RIN3: variants seen among roughly 807,000 people sequenced by gnomAD.
RIN3 encodes RAB5 interacting protein 3.
A neutral mutation model predicts 76.3 loss-of-function variants in RIN3; 54 were observed. The ratio of observed to expected loss-of-function variants is 0.71; its 90% CI spans 0.57 to 0.89. The LOEUF is 0.89. Ranked by LOEUF, RIN3 falls within the 40% of genes least tolerant of loss-of-function variation. The pLI, the probability that RIN3 is intolerant of heterozygous loss-of-function variation, is 0.00. For synonymous variants in RIN3, 576 were observed against 564.0 expected (o/e 1.02, Z -0.30); for missense variants, 1,256 against 1,322.1 (o/e 0.95, Z 0.78).
At chr14:92,584,531 T>C (rs890798301) in intron 3 of RIN3, among the ~76,000 whole-genome samples, 4 of 152,132 alleles carry the variant, frequency 2.6e-5, no homozygotes, top group Non-Finnish European at 5.9e-5. Context: ...TCCCCAGTCC[T>C]CCTCTCTGCT....
intron 7 of RIN3, among the ~76,000 whole-genome samples, chr14:92,666,815 G>A (rs947515563): frequency 3.9e-5 from 6 of 152,086 alleles, no homozygotes; most frequent in Admixed American, 6.5e-5. Flanking sequence ...TGTGAATGCC[G>A]AGCAGGAGGC....
intron 7 of RIN3, among the ~76,000 whole-genome samples, chr14:92,659,703 C>T (rs1887809928): frequency 6.6e-6 from 1 of 152,226 alleles, no homozygotes; most frequent in African/African-American, 2.4e-5. Context: ...GCAAGGAAGC[C>T]AGCCCACACC....
Position 92,579,555 on chromosome 14 carries a change from C to G in RIN3, c.367+2078C>G, listed in dbSNP as rs141448879. ...GATCCAAACAGCCTGTTAGAAGAAT[C>G]TATAGAATATTCCAAGCACTGGTTT... On this transcript the variant is annotated intron_variant, in intron 3 of 9. Coordinates refer to ENST00000216487, the MANE Select transcript of RIN3 (RefSeq NM_024832.5). Among the ~76,000 whole-genome samples the G allele has an allele frequency of 1.3e-3, 197 of 152,360 alleles. 1 individual carries two copies. Among genetic ancestry groups the G allele is most frequent in the African/African-American group, 4.6e-3 (191 of 41,580 alleles).
chr14:92,568,148 G>A lies in RIN3; in HGVS notation c.250-9212G>A, dbSNP rs907821418. ...AGCTGGCTGCAGGGGGGCAGAAAGG[G>A]AGAAGTAAGGTGGGCTTTGAGACTT... On this transcript the variant is annotated intron_variant, in intron 2 of 9. Transcript: ENST00000216487. This position sits in a 1 kb window ranked among gnomAD's most constrained non-coding sequence, Gnocchi z 4.2. Among the ~76,000 whole-genome samples, 18 of 152,144 alleles carry A rather than the reference G, an allele frequency of 1.2e-4. No homozygotes were observed. Among genetic ancestry groups the A allele is most frequent in the African/African-American group, 3.9e-4 (16 of 41,422 alleles).
At chr14:92,553,739 C>T (rs1181016024) in intron 1 of RIN3, among the ~76,000 whole-genome samples, 3 of 152,136 alleles carry the variant, frequency 2.0e-5, no homozygotes, top group Non-Finnish European at 4.4e-5. Flanking sequence ...TCCCCGGGTA[C>T]AGACTTCACA....
Position 92,513,912 on chromosome 14 carries a change from C to A in RIN3, c.-21C>A, listed in dbSNP as rs368389701. ...CCGGCGCCTGAGCGCCTCCGTTCCC[C>A]GTCCCGGAGCTGCCGGCGGCATGAT... is the stretch of plus-strand genomic sequence containing the variant. On this transcript the variant is annotated 5_prime_UTR_variant, in exon 1 of 10. Coordinates refer to ENST00000216487, the MANE Select transcript of RIN3 (RefSeq NM_024832.5). 3.6e-3 allele frequency: 4,563 copies of A among 1,252,064 alleles called. 42 individuals are homozygous for A. Among genetic ancestry groups the A allele is most frequent in the South Asian group, 0.022 (705 of 32,588 alleles). 77.6% of individuals were successfully genotyped at this position (1,252,064 alleles called of 1,614,324 possible). A position where few individuals can be genotyped will look rare whatever the true frequency, so the allele number is the denominator to read the frequency against.
chr14:92,687,889 GC>G, intron 9 of RIN3, 36 bp from the exon 10 acceptor site: 1 of 1,497,094 alleles, frequency 6.7e-7, no homozygotes, highest in African/African-American at 1.4e-5. Flanking sequence ...AGGAGACAGG[GC>G]CCCGCCGTGA....
intron 7 of RIN3, among the ~76,000 whole-genome samples, chr14:92,671,364 G>A (rs1277392556): frequency 6.6e-6 from 1 of 151,726 alleles, no homozygotes; most frequent in Admixed American, 6.6e-5. Flanking sequence ...AGAGGGGAGA[G>A]TGCACTCAGA....
intron 2 of RIN3, among the ~76,000 whole-genome samples, chr14:92,557,305 A>T (rs12897368): frequency 0.084 from 12,736 of 152,212 alleles, 929 homozygotes; most frequent in East Asian, 0.41. Context: ...CCCCCAGGGG[A>T]CACAGTGAGT....
intron 3 of RIN3, among the ~76,000 whole-genome samples, chr14:92,582,647 T>A (rs967091022): frequency 6.6e-6 from 1 of 152,034 alleles, no homozygotes; most frequent in Non-Finnish European, 1.5e-5. Context: ...GAAACCAGGT[T>A]TCACCATGTT....
chr14:92,541,115 A>G (rs1897122385), intron 1 of RIN3, among the ~76,000 whole-genome samples: 2 of 152,354 alleles, frequency 1.3e-5, no homozygotes, highest in South Asian at 4.1e-4. Context: ...TGAGTTGCCC[A>G]AAGTCACGTA....
Position 92,685,105 on chromosome 14 carries a change from C to T in RIN3, c.2586C>T (p.Arg862=), listed in dbSNP as rs755048081. The part of the protein sequence containing the change: ...EVQDSIHRWE[R]RRTLNKARAS... ...AGGACTCCATCCACCGCTGGGAGCG[C>T]CGGCGTACTCTCAACAAGGCCCGGG... Residue 862 remains arginine (R), a synonymous_variant, in exon 9 of 10, where the codon CGC becomes CGT. Transcript: ENST00000216487. The surrounding 1 kb of genome is among the most constrained non-coding windows in gnomAD (Gnocchi z 4.7). 1.9e-6 allele frequency: 3 copies of T among 1,613,634 alleles called. No individual in the cohort carries two copies. Among genetic ancestry groups the T allele is most frequent in the South Asian group, 2.2e-5 (2 of 91,086 alleles).
At chr14:92,551,423 G>T (rs926401927) in intron 1 of RIN3, among the ~76,000 whole-genome samples, 29 of 152,172 alleles carry the variant, frequency 1.9e-4, no homozygotes, top group African/African-American at 6.0e-4. Flanking sequence ...TCGTATGCAG[G>T]TCTTTCTGGA....
intron 4 of RIN3, among the ~76,000 whole-genome samples, chr14:92,636,103 C>G (rs1353637511): frequency 6.6e-6 from 1 of 152,172 alleles, no homozygotes; most frequent in African/African-American, 2.4e-5. Flanking sequence ...AGGAAAGTAC[C>G]TGCTTTGTGG....
chr14:92,525,094 C>T (rs1457325333), intron 1 of RIN3, among the ~76,000 whole-genome samples: 1 of 152,188 alleles, frequency 6.6e-6, no homozygotes, highest in African/African-American at 2.4e-5. Flanking sequence ...AGGGGCTGAA[C>T]TTTCATTCTC....
chr14:92,587,140 G>A (rs891903284), intron 3 of RIN3, among the ~76,000 whole-genome samples: 6 of 152,246 alleles, frequency 3.9e-5, no homozygotes, highest in South Asian at 4.1e-4. Context: ...CGGAAGCCAC[G>A]CAAAGGTTTT....
intron 4 of RIN3, among the ~76,000 whole-genome samples, chr14:92,630,034 G>A (rs28558149): frequency 0.065 from 9,933 of 152,340 alleles, 392 homozygotes; most frequent in Non-Finnish European, 0.09. Flanking sequence ...ACAGTGTTTG[G>A]CACATGTTAG....
Position 92,614,511 on chromosome 14 carries a change from T to G in RIN3, c.368-896T>G, listed in dbSNP as rs1393957185. ...AACACCAGCTATCCTAATAGTGATA[T>G]GGTTTGGCTGTGTCCTCACCCAAAT... On this transcript the variant is annotated intron_variant, in intron 3 of 9. Transcript: ENST00000216487. Among the ~76,000 whole-genome samples, 4 of 152,214 alleles carry G rather than the reference T, an allele frequency of 2.6e-5. No homozygotes were observed. In the East Asian group the frequency reaches 7.7e-4, roughly 29 times the overall value.
chr14:92,516,109 GACCAGTC>G (rs1896434647), intron 1 of RIN3, among the ~76,000 whole-genome samples: 1 of 152,156 alleles, frequency 6.6e-6, no homozygotes, highest in Non-Finnish European at 1.5e-5. Flanking sequence ...ATAGCAACTA[GACCAGTC>G]ACCTTTTCAC....
Sources: gnomAD v4.1 joint callset for allele counts (sites outside exome capture counted in the v4.1 genomes callset) on GRCh38, gnomAD v4.1.1 for gene constraint, Gnocchi (gnomAD v3.1) non-coding constraint, MANE v1.5 for transcripts, NCBI Gene and HGNC (gene_info 2026-07-23, HGNC 2026-07-21) for gene names.